The following OR10H2 variants were observed in gnomAD, a reference collection of about 807,000 sequenced individuals.
The protein encoded by OR10H2 is olfactory receptor 10H2.
OR10H2 carries 1 observed loss-of-function variant against 0.8 expected under a neutral mutation model. That is an observed-to-expected ratio of 1.23 (90% confidence interval 0.44 to 5.84). The LOEUF (loss-of-function observed/expected upper bound fraction) is 5.84. Among genes scored for constraint, OR10H2 ranks in the 30% most tolerant of loss-of-function variants. The pLI is 0.15. For missense variants in OR10H2, 355 were observed against 405.9 expected (o/e 0.87, Z 1.08); for synonymous variants, 204 against 174.3 (o/e 1.17, Z -1.34).
rs2008566036 is a variant in OR10H2 at position 15,728,422 on chromosome 19, T to A, written c.379T>A (p.Cys127Ser). ...VMGYDRYVAI[C>S]HPLRYNVLMS... ...GGGCTACGACCGCTACGTGGCCATCTGCCACCCCCTGCGCTACAACGTGCT... is the reference window on the plus strand; with the variant it reads ...GGGCTACGACCGCTACGTGGCCATCAGCCACCCCCTGCGCTACAACGTGCT... The change falls in exon 1 of 1, where the codon TGC (cysteine) becomes AGC (serine). Residue 127 changes from cysteine to serine, a missense_variant. Transcript: ENST00000305899. 3 of 1,613,664 alleles carry A rather than the reference T, an allele frequency of 1.9e-6. No individual in the cohort carries two copies. Among genetic ancestry groups the A allele is most frequent in the African/African-American group, 2.7e-5 (2 of 74,952 alleles).
In OR10H2 at chr19:15,728,390, C is replaced by G. The variant is rs2008565308; in HGVS notation, c.347C>G (p.Thr116Ser). ...GGCTTCACCCACTCCTTCCTGCTCA[C>G]CGTCATGGGCTACGACCGCTACGTG... Reference protein sequence around the residue: ...SFGFTHSFLLTVMGYDRYVAI... With the variant: ...SFGFTHSFLLSVMGYDRYVAI... The change falls in exon 1 of 1, where the codon ACC (threonine) becomes AGC (serine). Residue 116 changes from threonine (T) to serine (S), a missense_variant. Physicochemically the swap from Thr to Ser is moderately conservative, Grantham distance 58 (BLOSUM62 1). Around this residue, in one of 3 missense-constraint regions of OR10H2, gnomAD observed 133 missense variants for 194.7 expected, o/e 0.68. Coordinates refer to ENST00000305899, the MANE Select transcript of OR10H2 (RefSeq NM_013939.2). The G allele has an allele frequency of 6.2e-7, 1 of 1,614,034 alleles. No homozygotes were observed. Among genetic ancestry groups the G allele is most frequent in the Admixed American group, 1.7e-5 (1 of 60,008 alleles).
rs747094001 is a variant in OR10H2, at chr19:15,728,620, G to A, written c.577G>A (p.Val193Ile). 4.3e-5 allele frequency: 70 copies of A among 1,614,088 alleles called. No individual in the cohort carries two copies. The highest frequency in any genetic ancestry group is 5.0e-5 in the Non-Finnish European group (59 of 1,180,046). ...GTTGAAGTTGGCCTGTGGAAATAAT[G>A]TACCAGCTGTGGCCCTGGGCGTGGG... ...PLLKLACGNN[V>I]PAVALGVGLV... Residue 193 changes from valine (V) to isoleucine (I), a missense_variant, in exon 1 of 1, where the codon GTA becomes ATA. By Grantham distance (29) the Val-to-Ile change is conservative (BLOSUM62 3). Transcript: ENST00000305899.
rs1276617587 is a variant in OR10H2 at position 15,729,007 on chromosome 19, G to A, written c.*16G>A. On this transcript the variant is annotated 3_prime_UTR_variant, in exon 1 of 1. Transcript: ENST00000305899. ...AGGCACCTGAGTAGCTGGTGTGGAA[G>A]TGCTGATAGAATATGATAGGAGGAT... The A allele has an allele frequency of 1.1e-5, 18 of 1,594,068 alleles. No homozygotes were observed. Among genetic ancestry groups the A allele is most frequent in the Non-Finnish European group, 1.5e-5 (18 of 1,166,686 alleles).
rs777038188 is a variant in OR10H2, at chr19:15,728,244, A to G, written c.201A>G (p.Ser67=). The G allele has an allele frequency of 2.5e-6, 4 of 1,613,820 alleles. No individual in the cohort carries two copies. The highest frequency in any genetic ancestry group is 4.5e-5 in the East Asian group (2 of 44,848). The change falls in exon 1 of 1, where the codon TCA becomes TCG. Residue 67 remains serine (S), a synonymous_variant. Transcript: ENST00000305899. ...TGTACCTCTTCCTGTGCGTCCTCTC[A>G]GTCTCCGAGATCCTCTACACCGTGG... ...TPMYLFLCVL[S]VSEILYTVAI... is the part of the protein sequence containing the mutation.
rs145588887 is a variant in OR10H2, at chr19:15,728,591, C to G, written c.548C>G (p.Pro183Arg). The G allele has an allele frequency of 6.8e-6, 11 of 1,614,208 alleles. No individual in the cohort carries two copies. Among genetic ancestry groups the G allele is most frequent in the Non-Finnish European group, 8.5e-6 (10 of 1,180,040 alleles). ...CAGCATTTTTTATGTCATGTGCCAC[C>G]TCTGTTGAAGTTGGCCTGTGGAAAT... ...EIQHFLCHVPPLLKLACGNNV... is the reference protein window; with the variant it reads ...EIQHFLCHVPRLLKLACGNNV... The change falls in exon 1 of 1, where the codon CCT becomes CGT. Residue 183 changes from proline to arginine, a missense_variant. This residue lies in a region of OR10H2 where 178 missense variants were observed against 172.8 expected (regional missense o/e 1.03). Transcript: ENST00000305899.
chr19:15,728,541 G>C lies in OR10H2; in HGVS notation c.498G>C (p.Leu166=), dbSNP rs1208887396. Reference sequence around the variant, plus strand: ...TGGTGACCTCGGCCATTTTCCAACTGACTTTCTGTGGATCCCATGAGATCC... The same window carrying C: ...TGGTGACCTCGGCCATTTTCCAACTCACTTTCTGTGGATCCCATGAGATCC... The part of the protein sequence containing the change: ...GMVVTSAIFQ[L]TFCGSHEIQH... The change falls in exon 1 of 1, where the codon CTG becomes CTC. Residue 166 remains leucine, a synonymous_variant. Transcript: ENST00000305899. 1 of 1,613,726 alleles carries C rather than the reference G, an allele frequency of 6.2e-7. No homozygotes were observed. The highest frequency in any genetic ancestry group is 1.7e-5 in the Admixed American group (1 of 60,012).
At position 15,728,589 on chromosome 19, in the gene OR10H2, A is replaced by T. The variant is rs2008569389; in HGVS notation, c.546A>T (p.Pro182=). 4 of 1,613,808 alleles carry T rather than the reference A, an allele frequency of 2.5e-6. No individual in the cohort carries two copies. The South Asian group carries it at 3.3e-5, about 13-fold the overall frequency. ...HEIQHFLCHV[P]PLLKLACGNN... ...TCCAGCATTTTTTATGTCATGTGCC[A>T]CCTCTGTTGAAGTTGGCCTGTGGAA... The change falls in exon 1 of 1, where the codon CCA becomes CCT. Residue 182 remains proline, a synonymous_variant. Coordinates refer to ENST00000305899, the MANE Select transcript of OR10H2 (RefSeq NM_013939.2).
Position 15,728,180 on chromosome 19 carries a change from T to G in OR10H2, c.137T>G (p.Met46Arg). ...LFTLLGNLLI[M>R]ATVWSERSLH... ...ACGCTGCTGGGCAACCTGCTCATCA[T>G]GGCCACCGTCTGGAGCGAGCGCAGC... Residue 46 changes from methionine to arginine, a missense_variant, in exon 1 of 1, where the codon ATG (methionine) becomes AGG (arginine). Met to Arg is a moderately conservative substitution (Grantham distance 91, BLOSUM62 -1). Transcript: ENST00000305899. 1 of 1,614,168 alleles carries G rather than the reference T, an allele frequency of 6.2e-7. No individual in the cohort carries two copies. Among genetic ancestry groups the G allele is most frequent in the Non-Finnish European group, 8.5e-7 (1 of 1,179,998 alleles).
rs2008568947 is a variant in OR10H2 at position 15,728,574 on chromosome 19, T to C, written c.531T>C (p.Phe177=). The change falls in exon 1 of 1, where the codon TTT becomes TTC. Residue 177 remains phenylalanine (F), a synonymous_variant. Transcript: ENST00000305899. The stretch of plus-strand genomic sequence containing the variant: ...GTGGATCCCATGAGATCCAGCATTT[T>C]TTATGTCATGTGCCACCTCTGTTGA... ...TFCGSHEIQH[F]LCHVPPLLKL... 6.2e-7 allele frequency: 1 copy of C among 1,614,006 alleles called. No individual in the cohort carries two copies. The highest frequency in any genetic ancestry group is 1.3e-5 in the African/African-American group (1 of 74,940).
chr19:15,728,086 G>T lies in OR10H2; in HGVS notation c.43G>T (p.Val15Phe). 6.2e-7 allele frequency: 1 copy of T among 1,613,992 alleles called. No individual in the cohort carries two copies. Among genetic ancestry groups the T allele is most frequent in the East Asian group, 2.2e-5 (1 of 44,870 alleles). ...NHTSMSEFIL[V>F]GFSAFPHLQL... ...CACCTCCATGTCTGAATTCATCCTC[G>T]TCGGCTTCTCTGCCTTCCCCCACCT... The change falls in exon 1 of 1, where the codon GTC (valine) becomes TTC (phenylalanine). Residue 15 changes from valine (V) to phenylalanine (F), a missense_variant. Physicochemically the swap from Val to Phe is conservative, Grantham distance 50. Transcript: ENST00000305899.
At position 15,728,149 on chromosome 19, in the gene OR10H2, C is replaced by T; in HGVS notation, c.106C>T (p.Leu36=). 1.9e-6 allele frequency: 3 copies of T among 1,614,190 alleles called. No individual in the cohort carries two copies. Among genetic ancestry groups the T allele is most frequent in the Non-Finnish European group, 2.5e-6 (3 of 1,180,014 alleles). Residue 36 remains leucine (L), a synonymous_variant, in exon 1 of 1, where the codon CTG becomes TTG. Transcript: ENST00000305899. ...MLFLLFLLMY[L]FTLLGNLLIM... Reference sequence around the variant, plus strand: ...CTTCCTGCTGTTCCTGCTGATGTACCTGTTCACGCTGCTGGGCAACCTGCT... The same window carrying T: ...CTTCCTGCTGTTCCTGCTGATGTACTTGTTCACGCTGCTGGGCAACCTGCT...
rs1010014991 is a variant in OR10H2 at position 15,728,446 on chromosome 19, C to T, written c.403C>T (p.Leu135Phe). The part of the protein sequence containing the change: ...AICHPLRYNV[L>F]MSPRGCACLV... ...CTGCCACCCCCTGCGCTACAACGTG[C>T]TCATGAGCCCACGGGGCTGCGCCTG... The change falls in exon 1 of 1, where the codon CTC becomes TTC. Residue 135 changes from leucine to phenylalanine, a missense_variant. By Grantham distance (22) the Leu-to-Phe change is conservative. Around this residue, in one of 3 missense-constraint regions of OR10H2, gnomAD observed 133 missense variants for 194.7 expected, o/e 0.68. Coordinates refer to ENST00000305899, the MANE Select transcript of OR10H2 (RefSeq NM_013939.2). The T allele has an allele frequency of 1.9e-6, 3 of 1,613,730 alleles. No homozygotes were observed. Among genetic ancestry groups the T allele is most frequent in the Non-Finnish European group, 2.5e-6 (3 of 1,179,738 alleles).
At position 15,728,735 on chromosome 19, in the gene OR10H2, C is replaced by T. The variant is rs762789288; in HGVS notation, c.692C>T (p.Ser231Phe). The T allele has an allele frequency of 2.5e-6, 4 of 1,614,220 alleles. No individual in the cohort carries two copies. The highest frequency in any genetic ancestry group is 1.1e-5 in the South Asian group (1 of 91,080). The change falls in exon 1 of 1, where the codon TCT (serine) becomes TTT (phenylalanine). Residue 231 changes from serine to phenylalanine, a missense_variant. Coordinates refer to ENST00000305899, the MANE Select transcript of OR10H2 (RefSeq NM_013939.2). ...FIVADILKIP[S>F]AEGRNKAFST... is the part of the protein sequence containing the mutation. ...GTGGCCGACATCTTGAAGATCCCTT[C>T]TGCTGAAGGTCGGAACAAGGCCTTC...
chr19:15,728,229 C>T lies in OR10H2; in HGVS notation c.186C>T (p.Phe62=), dbSNP rs2008562167. The T allele has an allele frequency of 8.1e-6, 13 of 1,614,252 alleles. No individual in the cohort carries two copies. The highest frequency in any genetic ancestry group is 1.1e-5 in the Non-Finnish European group (13 of 1,180,040). Residue 62 remains phenylalanine (F), a synonymous_variant, in exon 1 of 1, where the codon TTC becomes TTT. Coordinates refer to ENST00000305899, the MANE Select transcript of OR10H2 (RefSeq NM_013939.2). The stretch of plus-strand genomic sequence containing the variant: ...GCCTCCACACGCCCATGTACCTCTT[C>T]CTGTGCGTCCTCTCAGTCTCCGAGA... ...ERSLHTPMYL[F]LCVLSVSEIL... is the part of the protein sequence containing the mutation.
Position 15,728,823 on chromosome 19 carries a change from C to T in OR10H2, c.780C>T (p.Tyr260=), listed in dbSNP as rs755057467. The part of the protein sequence containing the change: ...IVHYGFASVI[Y]LKPKGPHSQE... Reference sequence around the variant, plus strand: ...ACTATGGCTTTGCCTCTGTCATCTACCTCAAGCCCAAAGGTCCCCACTCTC... The same window carrying T: ...ACTATGGCTTTGCCTCTGTCATCTATCTCAAGCCCAAAGGTCCCCACTCTC... The change falls in exon 1 of 1, where the codon TAC becomes TAT. Residue 260 remains tyrosine (Y), a synonymous_variant. Coordinates refer to ENST00000305899, the MANE Select transcript of OR10H2 (RefSeq NM_013939.2). 8.1e-6 allele frequency: 13 copies of T among 1,614,062 alleles called. No individual in the cohort carries two copies. Among genetic ancestry groups the T allele is most frequent in the African/African-American group, 1.3e-5 (1 of 74,906 alleles).
In OR10H2 at chr19:15,728,372, C is replaced by A. The variant is rs1179622689; in HGVS notation, c.329C>A (p.Thr110Asn). ...TTCTTCTCCTTCAGCTTCGGCTTCA[C>A]CCACTCCTTCCTGCTCACCGTCATG... Reference protein sequence around the residue: ...QMFFSFSFGFTHSFLLTVMGY... With the variant: ...QMFFSFSFGFNHSFLLTVMGY... The change falls in exon 1 of 1, where the codon ACC becomes AAC. Residue 110 changes from threonine to asparagine, a missense_variant. Around this residue, in one of 3 missense-constraint regions of OR10H2, gnomAD observed 133 missense variants for 194.7 expected, o/e 0.68. Coordinates refer to ENST00000305899, the MANE Select transcript of OR10H2 (RefSeq NM_013939.2). 1.2e-6 allele frequency: 2 copies of A among 1,614,086 alleles called. No homozygotes were observed. Among genetic ancestry groups the A allele is most frequent in the Non-Finnish European group, 1.7e-6 (2 of 1,179,958 alleles).
rs368469319 is a variant in OR10H2, at chr19:15,728,641, G to A, written c.598G>A (p.Val200Met). 198 of 1,614,116 alleles carry A rather than the reference G, an allele frequency of 1.2e-4. 1 individual carries two copies. Among genetic ancestry groups the A allele is most frequent in the Middle Eastern group, 4.9e-4 (3 of 6,084 alleles). ...TAATGTACCAGCTGTGGCCCTGGGC[G>A]TGGGCTTGGTATGTATCATGGCACT... is the stretch of plus-strand genomic sequence containing the variant. ...GNNVPAVALG[V>M]GLVCIMALLG... Residue 200 changes from valine to methionine, a missense_variant, in exon 1 of 1, where the codon GTG becomes ATG. By Grantham distance (21) the Val-to-Met change is conservative (BLOSUM62 1). Around this residue, in one of 3 missense-constraint regions of OR10H2, gnomAD observed 178 missense variants for 172.8 expected, o/e 1.03. Transcript: ENST00000305899.
At position 15,728,575 on chromosome 19, in the gene OR10H2, T is replaced by A; in HGVS notation, c.532T>A (p.Leu178Ile). ...TGGATCCCATGAGATCCAGCATTTTTTATGTCATGTGCCACCTCTGTTGAA... is the reference window on the plus strand; with the variant it reads ...TGGATCCCATGAGATCCAGCATTTTATATGTCATGTGCCACCTCTGTTGAA... ...FCGSHEIQHF[L>I]CHVPPLLKLA... Residue 178 changes from leucine to isoleucine, a missense_variant, in exon 1 of 1, where the codon TTA (leucine) becomes ATA (isoleucine). Physicochemically the swap from Leu to Ile is conservative, Grantham distance 5 (BLOSUM62 2). Coordinates refer to ENST00000305899, the MANE Select transcript of OR10H2 (RefSeq NM_013939.2). 6.2e-7 allele frequency: 1 copy of A among 1,614,092 alleles called. No individual in the cohort carries two copies. Among genetic ancestry groups the A allele is most frequent in the South Asian group, 1.1e-5 (1 of 91,090 alleles).
In OR10H2 at chr19:15,728,511, G is replaced by A. The variant is rs1296729487; in HGVS notation, c.468G>A (p.Gly156=). 2 of 1,613,078 alleles carry A rather than the reference G, an allele frequency of 1.2e-6. No homozygotes were observed. Among genetic ancestry groups the A allele is most frequent in the Non-Finnish European group, 1.7e-6 (2 of 1,179,244 alleles). ...GCSWAGGSVM[G]MVVTSAIFQL... The stretch of plus-strand genomic sequence containing the variant: ...CCTGGGCTGGTGGCTCGGTCATGGG[G>A]ATGGTGGTGACCTCGGCCATTTTCC... Residue 156 remains glycine, a synonymous_variant, in exon 1 of 1, where the codon GGG becomes GGA. Transcript: ENST00000305899.
Sources: allele counts gnomAD v4.1 joint callset, GRCh38; gene constraint gnomAD v4.1.1; regional missense constraint gnomAD v4.1.1; transcripts MANE v1.5; gene names NCBI Gene and HGNC (gene_info 2026-07-23, HGNC 2026-07-21).